The following ACADM variants were observed in gnomAD, a reference collection of about 807,000 sequenced individuals.
The protein encoded by ACADM is medium-chain specific acyl-CoA dehydrogenase, mitochondrial.
A neutral mutation model predicts 58.9 loss-of-function variants in ACADM; 49 were observed. The observed-to-expected ratio is 0.83, with a 90% CI of 0.66 to 1.06. The LOEUF is 1.06. Ranked by LOEUF, ACADM falls within the 50% of genes least tolerant of loss-of-function variation. ACADM has a pLI of 0.00. For synonymous variants in ACADM, 160 were observed against 157.7 expected (o/e 1.01, Z -0.11); for missense variants, 496 against 507.0 (o/e 0.98, Z 0.21).
chr1:75,758,956 TA>T (rs1319837419), intron 10 of ACADM, among the ~76,000 whole-genome samples: 2 of 152,198 alleles, frequency 1.3e-5, no homozygotes, highest in Non-Finnish European at 2.9e-5. Context: ...CTCTTCACAA[TA>T]AATCTTGCTG....
chr1:75,746,766 T>C (rs1456596044), intron 8 of ACADM, among the ~76,000 whole-genome samples: 1 of 151,836 alleles, frequency 6.6e-6, no homozygotes, highest in Non-Finnish European at 1.5e-5. Context: ...ACCTGGCTAA[T>C]TTTTGTATTT....
intron 9 of ACADM, 142 bp downstream of exon 9, chr1:75,749,701 T>TA (rs531268506): frequency 3.4e-4 from 267 of 775,336 alleles, no homozygotes; most frequent in Middle Eastern, 2.4e-3. Flanking sequence ...AAAATACTGT[T>TA]ACTTTTCTTT....
intron 6 of ACADM, among the ~76,000 whole-genome samples, chr1:75,735,184 C>T (rs1382654647): frequency 6.6e-6 from 1 of 151,878 alleles, no homozygotes; most frequent in African/African-American, 2.4e-5. Context: ...GGCGTGATGG[C>T]GCCTGCCTAT....
At chr1:75,731,767 G>T (rs932554703) in intron 2 of ACADM, among the ~76,000 whole-genome samples, 1 of 152,036 alleles carries the variant, frequency 6.6e-6, no homozygotes, top group East Asian at 1.9e-4. Flanking sequence ...TCTCATGCTT[G>T]TAATCCCAGC....
intron 10 of ACADM, among the ~76,000 whole-genome samples, chr1:75,756,579 A>AG (rs1260092523): frequency 6.6e-6 from 1 of 152,274 alleles, no homozygotes; most frequent in African/African-American, 2.4e-5. Context: ...AACAAGTGGA[A>AG]GAACATTCCA....
At chr1:75,743,927 A>G in intron 7 of ACADM, 1 of 1,505,598 alleles carries the variant, frequency 6.6e-7, no homozygotes, top group Non-Finnish European at 9.3e-7. Flanking sequence ...GCCTTCACAG[A>G]TGCCGACATG....
intron 11 of ACADM, 196 bp downstream of exon 11, chr1:75,761,566 G>A (rs114657718): frequency 4.8e-6 from 3 of 629,958 alleles, no homozygotes; most frequent in Admixed American, 2.8e-5. Context: ...TCTGAAGAGA[G>A]AATAGGCTAA....
rs1648136301 is a variant in ACADM at position 75,750,444 on chromosome 1, A to G, written c.850-7A>G. 6.2e-7 allele frequency: 1 copy of G among 1,603,852 alleles called. No homozygotes were observed. The highest frequency in any genetic ancestry group is 8.5e-7 in the Non-Finnish European group (1 of 1,174,552). On this transcript the variant is annotated splice_region_variant and splice_polypyrimidine_tract_variant and intron_variant, in intron 9 of 11. Transcript: ENST00000370841. ...AACTTTTGCTTTATAATATCTTAAA[A>G]TACTAGGTAGCTGCTGGTGCTGTTG...
intron 4 of ACADM, chr1:75,733,229 G>A: frequency 1.3e-6 from 2 of 1,549,978 alleles, no homozygotes; most frequent in South Asian, 2.4e-5. Context: ...AGTCTTTTTT[G>A]TGAACCATGA....
At chr1:75,749,063 A>G (rs897378503) in intron 8 of ACADM, among the ~76,000 whole-genome samples, 2 of 152,226 alleles carry the variant, frequency 1.3e-5, no homozygotes, top group Admixed American at 1.3e-4. Flanking sequence ...GATAAGATGT[A>G]CTTGTAGACC....
intron 7 of ACADM, among the ~76,000 whole-genome samples, chr1:75,740,739 A>G (rs1647522647): frequency 6.6e-6 from 1 of 152,224 alleles, no homozygotes; most frequent in East Asian, 1.9e-4. Flanking sequence ...TAAAAAGCCA[A>G]TGTAATTTTA....
intron 2 of ACADM, 62 bp downstream of exon 2, chr1:75,728,550 T>A (rs1647092355): frequency 8.2e-7 from 1 of 1,214,776 alleles, no homozygotes; most frequent in African/African-American, 1.5e-5. Context: ...ATATGTTTTG[T>A]TTGGAATATG....
At chr1:75,754,777 C>T (rs1648404325) in intron 10 of ACADM, among the ~76,000 whole-genome samples, 1 of 152,206 alleles carries the variant, frequency 6.6e-6, no homozygotes, top group Non-Finnish European at 1.5e-5. Context: ...ACAGTGGGCG[C>T]AGCCCACAGA....
chr1:75,726,108 A>G (rs1026200145), intron 1 of ACADM, among the ~76,000 whole-genome samples: 2 of 152,140 alleles, frequency 1.3e-5, no homozygotes, highest in Non-Finnish European at 2.9e-5. Flanking sequence ...CTTTTTCCCT[A>G]TTTAAATTCC....
At chr1:75,739,919 A>G in intron 6 of ACADM, 61 bp from the exon 7 acceptor site, 1 of 1,290,724 alleles carries the variant, frequency 7.7e-7, no homozygotes, top group Non-Finnish European at 1.1e-6. Context: ...TCCTGTTTCC[A>G]AACAGTCAAA....
Position 75,744,235 on chromosome 1 carries a change from G to C in ACADM, c.600-1571G>C, listed in dbSNP as rs890421204. The stretch of plus-strand genomic sequence containing the variant: ...GCGAGGGCACTGGTGGCATCGAGTG[G>C]GTATGGGTGCTGCATGGGGAGGAAC... On this transcript the variant is annotated intron_variant, in intron 7 of 11. Transcript: ENST00000370841. The C allele has an allele frequency of 2.5e-6, 4 of 1,589,860 alleles. No homozygotes were observed. In the African/African-American group the frequency reaches 4.0e-5, roughly 16 times the overall value.
intron 7 of ACADM, chr1:75,744,125 C>T: frequency 6.3e-7 from 1 of 1,581,994 alleles, no homozygotes. Context: ...TGAATGCAGA[C>T]CTTTGCCAGC....
At chr1:75,733,484 A>T (rs1647186625) in intron 4 of ACADM, 44 bp from the exon 5 acceptor site, 2 of 1,501,534 alleles carry the variant, frequency 1.3e-6, no homozygotes, top group East Asian at 4.5e-5. Context: ...TTCTATTGTG[A>T]TGTACTACAT....
At chr1:75,761,027 C>T (rs1648813178) in intron 10 of ACADM, 95 bp from the exon 11 acceptor site, 2 of 1,273,098 alleles carry the variant, frequency 1.6e-6, no homozygotes, top group South Asian at 1.3e-5. Flanking sequence ...GGCAACATAG[C>T]AAGACCCCGT....
Sources: allele counts gnomAD v4.1 joint callset (sites outside exome capture counted in the v4.1 genomes callset), GRCh38; gene constraint gnomAD v4.1.1; transcripts MANE v1.5; gene names NCBI Gene and HGNC (gene_info 2026-07-23, HGNC 2026-07-21).